HSF5: variants seen among roughly 807,000 people sequenced by gnomAD.
HSF5 encodes heat shock factor protein 5.
HSF5 carries 5 observed loss-of-function variants against 50.8 expected under a neutral mutation model. The observed-to-expected ratio is 0.10, with a 90% CI of 0.05 to 0.21. HSF5 has a LOEUF of 0.21. Among genes scored for constraint, HSF5 ranks in the 10% least tolerant of loss-of-function variants. HSF5 has a pLI of 1.00. For missense variants in HSF5, 564 were observed against 762.6 expected, an observed-to-expected ratio of 0.74 and a Z score of 3.07; for synonymous variants, 307 against 307.4, an observed-to-expected ratio of 1.00 and a Z score of 0.02.
chr17:58,433,911 ATTTTTT>A, intron 5 of HSF5, among the ~76,000 whole-genome samples: 1 of 109,340 alleles, frequency 9.1e-6, no homozygotes, highest in East Asian at 2.6e-4. Context: ...GGTCAAAGGG[ATTTTTT>A]TTTTTTTTTT....
At chr17:58,439,229 C>T (rs1467623345) in intron 5 of HSF5, among the ~76,000 whole-genome samples, 2 of 150,272 alleles carry the variant, frequency 1.3e-5, no homozygotes, top group African/African-American at 2.4e-5. Flanking sequence ...CTTCTGTAAG[C>T]TTTTTAATGC....
chr17:58,488,069 G>A lies in HSF5; in HGVS notation c.206C>T (p.Pro69Leu). ...GAAGCTGGTGGTTTTGAAGAGCTCG[G>A]GCTCGGCCCCGGCCCCCGCAGTCCC... ...GGGTAGAGAEPELFKTTSFTS... is the reference protein window; with the variant it reads ...GGGTAGAGAELELFKTTSFTS... The change falls in exon 1 of 6, where the codon CCC becomes CTC. Residue 69 changes from proline to leucine, a missense_variant. Physicochemically the swap from Pro to Leu is moderately conservative, Grantham distance 98. Transcript: ENST00000323777. The surrounding 1 kb of genome is among the most constrained non-coding windows in gnomAD (Gnocchi z 4.1). 6.3e-7 allele frequency: 1 copy of A among 1,591,826 alleles called. No homozygotes were observed. The highest frequency in any genetic ancestry group is 8.5e-7 in the Non-Finnish European group (1 of 1,173,534).
chr17:58,457,903 C>T (rs192861174), intron 5 of HSF5, among the ~76,000 whole-genome samples: 396 of 152,256 alleles, frequency 2.6e-3, no homozygotes, highest in Admixed American at 6.9e-3. Flanking sequence ...CAGTTTTTAG[C>T]CTAAAAGACA....
At chr17:58,423,473 G>C (rs1486252843) in intron 5 of HSF5, among the ~76,000 whole-genome samples, 2 of 147,088 alleles carry the variant, frequency 1.4e-5, no homozygotes, top group Non-Finnish European at 3.0e-5. Flanking sequence ...AGAGCAACAT[G>C]ACCAGGGAGC....
chr17:58,446,680 T>C (rs9914800), intron 5 of HSF5, among the ~76,000 whole-genome samples: 62 of 152,258 alleles, frequency 4.1e-4, no homozygotes, highest in African/African-American at 1.5e-3. Context: ...AGAGCAACAG[T>C]GGTTCTTGGG....
chr17:58,442,569 T>C (rs888004517), intron 5 of HSF5, among the ~76,000 whole-genome samples: 19 of 152,232 alleles, frequency 1.2e-4, no homozygotes, highest in Non-Finnish European at 5.9e-5. Flanking sequence ...TTTTGTCCAA[T>C]GCTTTCCCTG....
chr17:58,478,302 C>A (rs2531740), intron 2 of HSF5, among the ~76,000 whole-genome samples: 1 of 115,998 alleles, frequency 8.6e-6, no homozygotes, highest in Non-Finnish European at 1.8e-5. Flanking sequence ...TATATATATA[C>A]ACACACACAT....
chr17:58,477,464 T>A (rs867934775), intron 2 of HSF5, among the ~76,000 whole-genome samples: 3 of 7,404 alleles, frequency 4.1e-4, no homozygotes, highest in African/African-American at 1.1e-3. Flanking sequence ...CCATTCCCCT[T>A]TTTTTTTTTT....
chr17:58,472,925 A>G (rs768674327), intron 2 of HSF5, among the ~76,000 whole-genome samples: 3 of 152,182 alleles, frequency 2.0e-5, no homozygotes, highest in African/African-American at 2.4e-5. Context: ...TCCCCTACCA[A>G]TTGCTGTTGT....
At chr17:58,429,648 A>T (rs1399317260) in intron 5 of HSF5, among the ~76,000 whole-genome samples, 1 of 152,098 alleles carries the variant, frequency 6.6e-6, no homozygotes, top group Non-Finnish European at 1.5e-5. Flanking sequence ...GGAGTTTGAG[A>T]CCAGCCTGGC....
chr17:58,427,320 C>T (rs2143725005), intron 5 of HSF5, among the ~76,000 whole-genome samples: 1 of 151,898 alleles, frequency 6.6e-6, no homozygotes, highest in African/African-American at 2.4e-5. Flanking sequence ...GAAGATGTCC[C>T]TTCTTACACA....
At chr17:58,445,869 C>T (rs920060773) in intron 5 of HSF5, among the ~76,000 whole-genome samples, 3 of 152,090 alleles carry the variant, frequency 2.0e-5, no homozygotes, top group Admixed American at 1.3e-4. Context: ...GGAGTGGTGG[C>T]TCACACCTGT....
chr17:58,478,054 T>C (rs146440433), intron 2 of HSF5, among the ~76,000 whole-genome samples: 1 of 152,122 alleles, frequency 6.6e-6, no homozygotes, highest in Non-Finnish European at 1.5e-5. Flanking sequence ...CCTTGTCTTA[T>C]TTCTATTGCC....
chr17:58,465,189 T>C (rs1223759030), intron 3 of HSF5, among the ~76,000 whole-genome samples: 1 of 138,188 alleles, frequency 7.2e-6, no homozygotes, highest in Non-Finnish European at 1.5e-5. Flanking sequence ...TTTCTTTTTT[T>C]TTTTTTTTTT....
intron 5 of HSF5, among the ~76,000 whole-genome samples, chr17:58,453,932 A>C (rs1231552564): frequency 6.6e-6 from 1 of 151,876 alleles, no homozygotes; most frequent in Non-Finnish European, 1.5e-5. Flanking sequence ...CTTCTAAAAC[A>C]CAAGAAAAAA....
chr17:58,480,063 C>G lies in HSF5; in HGVS notation c.755G>C (p.Gly252Ala), dbSNP rs199675920. Residue 252 changes from glycine to alanine, a missense_variant, in exon 2 of 6, where the codon GGG (glycine) becomes GCG (alanine). This residue lies in a region of HSF5 where 441 missense variants were observed against 533.6 expected (regional missense o/e 0.83). Coordinates refer to ENST00000323777, the MANE Select transcript of HSF5 (RefSeq NM_001080439.3). ...VETSPTFSDKGVPFPVLQRFP... is the reference protein window; with the variant it reads ...VETSPTFSDKAVPFPVLQRFP... ...CCTCTGGAGTACAGGAAACGGAACC[C>G]CTTTATCTGAAAATGTGGGAGATGT... 23 of 1,613,976 alleles carry G rather than the reference C, an allele frequency of 1.4e-5. No individual in the cohort carries two copies. In the East Asian group the frequency reaches 4.9e-4, roughly 34 times the overall value.
chr17:58,478,271 A>AAATC (rs1975045839), intron 2 of HSF5, among the ~76,000 whole-genome samples: 1 of 27,112 alleles, frequency 3.7e-5, no homozygotes, highest in Non-Finnish European at 6.1e-5. Flanking sequence ...GTCTCTACTA[A>AAATC]AATAAATAAA....
chr17:58,466,465 T>C lies in HSF5; in HGVS notation c.1020+420A>G, dbSNP rs75684127. On this transcript the variant is annotated intron_variant, in intron 3 of 5. Transcript: ENST00000323777. The stretch of plus-strand genomic sequence containing the variant: ...ATGGGAATGTTCTAGATCTGTGCTG[T>C]ATAATTCAGTACCCATAAGCCATAT... Among the ~76,000 whole-genome samples the C allele has an allele frequency of 7.6e-3, 1,157 of 152,334 alleles. 52 individuals carry two copies. In the East Asian group the frequency reaches 0.12, roughly 16 times the overall value.
intron 2 of HSF5, among the ~76,000 whole-genome samples, chr17:58,477,677 G>A (rs1477932989): frequency 6.6e-6 from 1 of 151,742 alleles, no homozygotes; most frequent in African/African-American, 2.4e-5. Flanking sequence ...AGCCAGGATG[G>A]TCTCGATCTC....
Sources: gnomAD v4.1 joint callset for allele counts (sites outside exome capture counted in the v4.1 genomes callset) on GRCh38, gnomAD v4.1.1 for gene constraint, gnomAD v4.1.1 regional missense constraint, Gnocchi (gnomAD v3.1) non-coding constraint, MANE v1.5 for transcripts, NCBI Gene and HGNC (gene_info 2026-07-23, HGNC 2026-07-21) for gene names.